JAZF1: variants seen among roughly 807,000 people sequenced by gnomAD.
JAZF1 encodes the protein juxtaposed with another zinc finger protein 1.
A neutral mutation model predicts 26.4 loss-of-function variants in JAZF1; 8 were observed. The observed-to-expected ratio is 0.30, with a 90% CI of 0.18 to 0.55. The LOEUF (loss-of-function observed/expected upper bound fraction) is 0.55, where lower values mean the gene tolerates loss of function less well. Among genes scored for constraint, JAZF1 ranks in the 20% least tolerant of loss-of-function variants. The probability of loss-of-function intolerance (pLI) is 0.94; values close to 1 mark genes in which losing one functional copy is unlikely to be tolerated. For synonymous variants in JAZF1, 126 were observed against 122.3 expected (o/e 1.03, Z -0.20); for missense variants, 199 against 322.0 (o/e 0.62, Z 2.92).
chr7:27,858,392 A>G (rs1783310608), intron 3 of JAZF1, among the ~76,000 whole-genome samples: 1 of 152,244 alleles, frequency 6.6e-6, no homozygotes, highest in Non-Finnish European at 1.5e-5. Flanking sequence ...TTTAAATTTC[A>G]TATGGAACCA....
intron 1 of JAZF1, among the ~76,000 whole-genome samples, chr7:28,177,718 A>C (rs540724784): frequency 5.9e-5 from 9 of 152,358 alleles, no homozygotes; most frequent in African/African-American, 2.2e-4. Context: ...GAAATCAGTA[A>C]GTCAATCATT....
intron 1 of JAZF1, among the ~76,000 whole-genome samples, chr7:28,164,052 T>C (rs895958863): frequency 1.3e-5 from 2 of 152,256 alleles, no homozygotes; most frequent in Non-Finnish European, 2.9e-5. Context: ...ACTTGAGCTC[T>C]AGTAGTCCAC....
intron 1 of JAZF1, among the ~76,000 whole-genome samples, chr7:28,116,456 T>TC (rs1295436462): frequency 2.6e-5 from 4 of 152,164 alleles, no homozygotes; most frequent in Non-Finnish European, 5.9e-5. Flanking sequence ...TCTCTCTCTC[T>TC]TTTTTTCAGA....
chr7:27,959,711 C>T (rs1785158245), intron 2 of JAZF1, among the ~76,000 whole-genome samples: 1 of 151,890 alleles, frequency 6.6e-6, no homozygotes, highest in African/African-American at 2.4e-5. Flanking sequence ...ACCAGCCTGA[C>T]CAACATGGCG....
chr7:27,945,181 G>A lies in JAZF1; in HGVS notation c.188+46728C>T, dbSNP rs529063918. On this transcript the variant is annotated intron_variant, in intron 2 of 4. Coordinates refer to ENST00000283928, the MANE Select transcript of JAZF1 (RefSeq NM_175061.4). ...TTCAGGGCCGGGGTTTAAGCACACC[G>A]CTGTTGGACACACTGTTAGAAAAGA... 2.6e-3 allele frequency among the ~76,000 whole-genome samples: 396 copies of A among 152,080 alleles called. 2 individuals are homozygous for A. Among genetic ancestry groups the A allele is most frequent in the African/African-American group, 9.5e-3 (394 of 41,470 alleles).
At chr7:27,930,096 C>T (rs1346622723) in intron 2 of JAZF1, among the ~76,000 whole-genome samples, 1 of 151,856 alleles carries the variant, frequency 6.6e-6, no homozygotes, top group East Asian at 1.9e-4. Flanking sequence ...CCCGGGTTCA[C>T]ACCATTCTCC....
At chr7:27,933,816 G>A (rs932411165) in intron 2 of JAZF1, among the ~76,000 whole-genome samples, 12 of 151,978 alleles carry the variant, frequency 7.9e-5, no homozygotes, top group Middle Eastern at 3.2e-3. Flanking sequence ...ATGGGAAGGC[G>A]GTTGGAGTGG....
At chr7:28,035,340 A>AAAAAAAG (rs1562565710) in intron 1 of JAZF1, among the ~76,000 whole-genome samples, 8 of 145,418 alleles carry the variant, frequency 5.5e-5, no homozygotes, top group African/African-American at 2.0e-4. Context: ...AAAAAAAAAA[A>AAAAAAAG]AAAGAAAGAA....
At chr7:28,014,354 C>CCAT (rs1421164197) in intron 1 of JAZF1, among the ~76,000 whole-genome samples, 1 of 152,198 alleles carries the variant, frequency 6.6e-6, no homozygotes, top group Non-Finnish European at 1.5e-5. Context: ...TTCTGATGAA[C>CCAT]CATCTTATGG....
chr7:27,973,951 C>A (rs1400315613), intron 2 of JAZF1, among the ~76,000 whole-genome samples: 2 of 152,116 alleles, frequency 1.3e-5, no homozygotes, highest in Non-Finnish European at 2.9e-5. Flanking sequence ...GCAGGGGAAG[C>A]ATTCAAGAGG....
chr7:28,174,256 T>C (rs371782067), intron 1 of JAZF1, among the ~76,000 whole-genome samples: 2 of 152,294 alleles, frequency 1.3e-5, no homozygotes, highest in Admixed American at 6.5e-5. Flanking sequence ...GTATGTATGA[T>C]TGTTGCCCTA....
chr7:27,880,887 T>C (rs952493602), intron 3 of JAZF1, among the ~76,000 whole-genome samples: 3 of 152,202 alleles, frequency 2.0e-5, no homozygotes, highest in Non-Finnish European at 4.4e-5. Context: ...TGGCTGGTCC[T>C]GAACTCCTGG....
In JAZF1 at chr7:27,985,141, C is replaced by CA. The variant is rs1275287061; in HGVS notation, c.188+6767dup. Among the ~76,000 whole-genome samples the CA allele has an allele frequency of 3.9e-5, 6 of 152,002 alleles. No homozygotes were observed. The South Asian group carries it at 6.3e-4, about 16-fold the overall frequency. On this transcript the variant is annotated intron_variant, in intron 2 of 4. Coordinates refer to ENST00000283928, the MANE Select transcript of JAZF1 (RefSeq NM_175061.4). ...AGAAGATAGAGACACAAAAACCCTT[C>CA]AAAAAAATCAATGAATCCAGGAGCT...
At chr7:27,833,430 ACT>A (rs1408380833) in intron 4 of JAZF1, among the ~76,000 whole-genome samples, 4 of 152,186 alleles carry the variant, frequency 2.6e-5, no homozygotes, top group African/African-American at 9.7e-5. Flanking sequence ...TGATTTGGAA[ACT>A]CAATTTACAG....
At chr7:27,896,272 T>G (rs987513829) in intron 2 of JAZF1, among the ~76,000 whole-genome samples, 5 of 152,228 alleles carry the variant, frequency 3.3e-5, no homozygotes, top group African/African-American at 1.2e-4. Context: ...ATCTACCATT[T>G]TGTAAATTCC....
Position 27,873,065 on chromosome 7 carries a change from GT to G in JAZF1, c.385+22154del, listed in dbSNP as rs1447476972. On this transcript the variant is annotated intron_variant, in intron 3 of 4. Coordinates refer to ENST00000283928, the MANE Select transcript of JAZF1 (RefSeq NM_175061.4). ...TTACTTATATTAAGCGACGGGGTAGGTTTCTATCAACTGGGAGGGATTTGTG... is the reference window on the plus strand; with the variant it reads ...TTACTTATATTAAGCGACGGGGTAGGTTCTATCAACTGGGAGGGATTTGTG... Among the ~76,000 whole-genome samples, 5 of 152,272 alleles carry G rather than the reference GT, an allele frequency of 3.3e-5. No homozygotes were observed. In the South Asian group the frequency reaches 8.3e-4, roughly 25 times the overall value.
chr7:27,994,127 T>C (rs543982037), intron 1 of JAZF1, among the ~76,000 whole-genome samples: 1 of 152,338 alleles, frequency 6.6e-6, no homozygotes, highest in Non-Finnish European at 1.5e-5. Context: ...ATTTATATTA[T>C]CCTTTTCCTT....
intron 1 of JAZF1, among the ~76,000 whole-genome samples, chr7:28,051,145 AAAAAAAAAAAAC>A (rs1406366650): frequency 2.7e-5 from 4 of 148,366 alleles, no homozygotes; most frequent in Non-Finnish European, 5.9e-5. Context: ...AAAAAAAAAA[AAAAAAAAAAAAC>A]AAAGTCTACT....
At chr7:28,158,524 A>G (rs1478123867) in intron 1 of JAZF1, among the ~76,000 whole-genome samples, 2 of 152,220 alleles carry the variant, frequency 1.3e-5, no homozygotes, top group Admixed American at 6.5e-5. Context: ...GGTGTCTGTT[A>G]CTAGTAGCCA....
Sources: gnomAD v4.1 joint callset for allele counts (sites outside exome capture counted in the v4.1 genomes callset) on GRCh38, gnomAD v4.1.1 for gene constraint, MANE v1.5 for transcripts, NCBI Gene and HGNC (gene_info 2026-07-23, HGNC 2026-07-21) for gene names.